The following MCTP1 variants were observed in gnomAD, a reference collection of about 807,000 sequenced individuals.
MCTP1 encodes the protein multiple C2 and transmembrane domain-containing protein 1.
In MCTP1, 69 loss-of-function variants were observed where a neutral mutation model predicts 120.6. That is an observed-to-expected ratio of 0.57 (90% CI 0.47 to 0.70). The LOEUF (loss-of-function observed/expected upper bound fraction) is 0.70. MCTP1 is among the 30% of genes least tolerant of loss of function. MCTP1 has a pLI of 0.00. For missense variants in MCTP1, 1,203 were observed against 1,248.8 expected (o/e 0.96, Z 0.55); for synonymous variants, 529 against 493.1 (o/e 1.07, Z -0.96).
intron 17 of MCTP1, among the ~76,000 whole-genome samples, chr5:94,838,293 C>T (rs918522191): frequency 1.3e-4 from 20 of 152,200 alleles, no homozygotes; most frequent in Middle Eastern, 3.2e-3. Context: ...TCCAAAAGGA[C>T]AGTCATTTAG....
At chr5:94,725,290 C>T (rs1370651715) in intron 19 of MCTP1, among the ~76,000 whole-genome samples, 1 of 152,224 alleles carries the variant, frequency 6.6e-6, no homozygotes, top group East Asian at 1.9e-4. Flanking sequence ...TGTGAATAGT[C>T]TCTGCCCTTC....
At chr5:94,887,939 T>C (rs1357830741) in intron 12 of MCTP1, among the ~76,000 whole-genome samples, 2 of 152,208 alleles carry the variant, frequency 1.3e-5, no homozygotes, top group African/African-American at 4.8e-5. Flanking sequence ...CCTTGGATGG[T>C]AGAAAAAGCA....
At chr5:95,161,540 T>C (rs1745745486) in intron 1 of MCTP1, among the ~76,000 whole-genome samples, 1 of 152,094 alleles carries the variant, frequency 6.6e-6, no homozygotes, top group Non-Finnish European at 1.5e-5. Context: ...ATGGTGACTA[T>C]AATTAATAAA....
At chr5:94,804,639 T>C (rs1014494722) in intron 17 of MCTP1, among the ~76,000 whole-genome samples, 1 of 152,130 alleles carries the variant, frequency 6.6e-6, no homozygotes, top group Non-Finnish European at 1.5e-5. Flanking sequence ...GGGGTTTCAC[T>C]GTGTTAGTCA....
rs913189616 is a variant in MCTP1, at chr5:94,954,827, T to G, written c.839-1466A>C. Among the ~76,000 whole-genome samples the G allele has an allele frequency of 3.9e-5, 6 of 152,312 alleles. No homozygotes were observed. The East Asian group carries it at 1.2e-3, about 29-fold the overall frequency. The stretch of plus-strand genomic sequence containing the variant: ...TTGCTCAGAAGTTTCAATTTTAGAA[T>G]GTTAGGAAGGGGTGGAGGTCTCAGA... On this transcript the variant is annotated intron_variant, in intron 2 of 22. Transcript: ENST00000515393.
chr5:94,803,266 C>T (rs749838039), intron 17 of MCTP1, among the ~76,000 whole-genome samples: 1 of 152,172 alleles, frequency 6.6e-6, no homozygotes, highest in African/African-American at 2.4e-5. Context: ...TAAGTACACA[C>T]AACCCCTTTC....
At chr5:94,808,577 C>G (rs1205262210) in intron 17 of MCTP1, among the ~76,000 whole-genome samples, 1 of 152,094 alleles carries the variant, frequency 6.6e-6, no homozygotes, top group Non-Finnish European at 1.5e-5. Context: ...TTCTTTTTGA[C>G]TAGTTTCAAC....
At chr5:94,760,960 C>G (rs1487623356) in intron 19 of MCTP1, among the ~76,000 whole-genome samples, 1 of 152,208 alleles carries the variant, frequency 6.6e-6, no homozygotes, top group Non-Finnish European at 1.5e-5. Context: ...GCTGAGATTA[C>G]AGATGTGAGT....
intron 1 of MCTP1, among the ~76,000 whole-genome samples, chr5:95,189,051 A>G (rs1340588047): frequency 6.6e-6 from 1 of 152,188 alleles, no homozygotes; most frequent in Non-Finnish European, 1.5e-5. Context: ...ATCTCATAGT[A>G]GCATTTTCAT....
chr5:94,941,878 G>T (rs1817810198), intron 4 of MCTP1, among the ~76,000 whole-genome samples: 1 of 151,996 alleles, frequency 6.6e-6, no homozygotes, highest in African/African-American at 2.4e-5. Flanking sequence ...AGCATTCCTT[G>T]GTAATCCGGC....
chr5:95,016,000 T>C (rs921897845), intron 2 of MCTP1, among the ~76,000 whole-genome samples: 2 of 152,172 alleles, frequency 1.3e-5, no homozygotes, highest in Admixed American at 6.5e-5. Flanking sequence ...AGCAAAATAA[T>C]ACTTTGTTAT....
At chr5:95,153,473 G>T (rs1475738225) in intron 1 of MCTP1, among the ~76,000 whole-genome samples, 1 of 152,172 alleles carries the variant, frequency 6.6e-6, no homozygotes, top group Non-Finnish European at 1.5e-5. Flanking sequence ...CAACTAGCAG[G>T]CCCAGCAGGC....
intron 6 of MCTP1, among the ~76,000 whole-genome samples, chr5:94,925,604 T>G (rs987431523): frequency 6.6e-6 from 1 of 152,114 alleles, no homozygotes; most frequent in Non-Finnish European, 1.5e-5. Flanking sequence ...AGAGACGGGG[T>G]TTCACTGTGT....
At chr5:95,217,408 C>T (rs1420559920) in intron 1 of MCTP1, among the ~76,000 whole-genome samples, 1 of 152,118 alleles carries the variant, frequency 6.6e-6, no homozygotes, top group African/African-American at 2.4e-5. Context: ...TCAGTCAGAA[C>T]AACAAATACA....
At chr5:94,998,502 A>C (rs1237411785) in intron 2 of MCTP1, among the ~76,000 whole-genome samples, 2 of 152,164 alleles carry the variant, frequency 1.3e-5, no homozygotes, top group Admixed American at 6.5e-5. Flanking sequence ...CCGCCTGACA[A>C]TATCCCTTTT....
intron 10 of MCTP1, among the ~76,000 whole-genome samples, chr5:94,902,372 C>G (rs1011478698): frequency 6.6e-6 from 1 of 152,136 alleles, no homozygotes; most frequent in Non-Finnish European, 1.5e-5. Context: ...AAATTTATAT[C>G]TGCTCTCTTT....
chr5:95,056,245 T>C (rs1747365377), intron 1 of MCTP1, among the ~76,000 whole-genome samples: 1 of 152,218 alleles, frequency 6.6e-6, no homozygotes. Flanking sequence ...AGAGTGCTTA[T>C]ACTTAAAATA....
intron 2 of MCTP1, among the ~76,000 whole-genome samples, chr5:94,993,623 T>C (rs1832038547): frequency 6.6e-6 from 1 of 152,174 alleles, no homozygotes; most frequent in Admixed American, 6.6e-5. Flanking sequence ...CTAAATGGCA[T>C]AGTTTTGGGG....
At chr5:95,244,861 TC>T (rs1756575198) in intron 1 of MCTP1, among the ~76,000 whole-genome samples, 1 of 152,090 alleles carries the variant, frequency 6.6e-6, no homozygotes, top group Non-Finnish European at 1.5e-5. Context: ...GCGTTTGAGC[TC>T]CAAGAACGGT....
Sources: gnomAD v4.1 joint callset for allele counts (sites outside exome capture counted in the v4.1 genomes callset) on GRCh38, gnomAD v4.1.1 for gene constraint, MANE v1.5 for transcripts, NCBI Gene and HGNC (gene_info 2026-07-23, HGNC 2026-07-21) for gene names.